The following KIAA0319L variants were observed in gnomAD, a reference collection of about 807,000 sequenced individuals.
KIAA0319L encodes the protein dyslexia-associated protein KIAA0319-like protein.
A neutral mutation model predicts 120.1 loss-of-function variants in KIAA0319L; 55 were observed. The ratio of observed to expected loss-of-function variants is 0.46; its 90% CI spans 0.37 to 0.57. The LOEUF is 0.57. Ranked by LOEUF, KIAA0319L falls within the 20% of genes least tolerant of loss-of-function variation. The probability of loss-of-function intolerance (pLI) is 0.00; values close to 1 mark genes in which losing one functional copy is unlikely to be tolerated. For synonymous variants in KIAA0319L, 398 were observed against 471.9 expected (o/e 0.84, Z 2.03); for missense variants, 1,049 against 1,255.3 (o/e 0.84, Z 2.48).
At chr1:35,546,153 A>T (rs555815622) in intron 2 of KIAA0319L, among the ~76,000 whole-genome samples, 2 of 152,280 alleles carry the variant, frequency 1.3e-5, no homozygotes, top group East Asian at 3.9e-4. Context: ...AATGAATGAG[A>T]CTGCCCAGGG....
At chr1:35,454,741 G>A in intron 10 of KIAA0319L, 1 of 741,530 alleles carries the variant, frequency 1.3e-6, no homozygotes, top group Non-Finnish European at 1.9e-6. Context: ...TCTCATAAGA[G>A]AGGGCAGTAT....
chr1:35,454,382 A>G lies in KIAA0319L; in HGVS notation c.1760T>C (p.Val587Ala), dbSNP rs757411550. 1.9e-5 allele frequency: 31 copies of G among 1,613,918 alleles called. No homozygotes were observed. Among genetic ancestry groups the G allele is most frequent in the Non-Finnish European group, 2.5e-5 (29 of 1,179,932 alleles). Residue 587 changes from valine to alanine, a missense_variant, in exon 11 of 21, where the codon GTG (valine) becomes GCG (alanine). Transcript: ENST00000325722. ...DTIGQQATAQVTVIVQPENNK... is the reference protein window; with the variant it reads ...DTIGQQATAQATVIVQPENNK... ...CTTACCAGGTTGCACAATAACAGTC[A>G]CTTGAGCAGTGGCCTGCTGTCCTAT...
intron 2 of KIAA0319L, among the ~76,000 whole-genome samples, chr1:35,532,240 CAAAA>C (rs542083819): frequency 1.0e-5 from 1 of 98,488 alleles, no homozygotes; most frequent in African/African-American, 3.8e-5. Flanking sequence ...GACTCCGTCT[CAAAA>C]AAAAAAAAAA....
chr1:35,557,652 AC>A (rs1334883053), upstream of KIAA0319L: 1 of 456,910 alleles, frequency 2.2e-6, no homozygotes, highest in East Asian at 7.0e-5. Flanking sequence ...CTCGGGCAAT[AC>A]CCACAAGCAA....
intron 3 of KIAA0319L, among the ~76,000 whole-genome samples, chr1:35,489,472 C>G (rs1430740168): frequency 6.6e-6 from 1 of 152,050 alleles, no homozygotes; most frequent in African/African-American, 2.4e-5. Flanking sequence ...GAAATCCAAG[C>G]ACAGACCAGC....
intron 20 of KIAA0319L, among the ~76,000 whole-genome samples, chr1:35,435,984 C>T (rs751713958): frequency 1.3e-5 from 2 of 152,292 alleles, no homozygotes; most frequent in Non-Finnish European, 2.9e-5. Context: ...GGAATGCCCA[C>T]GCCCAGGAGC....
Position 35,435,000 on chromosome 1 carries a change from G to GTAA in KIAA0319L, c.3041_3043dup (p.Phe1014_Thr1015insIle). 1 of 1,614,108 alleles carries GTAA rather than the reference G, an allele frequency of 6.2e-7. No homozygotes were observed. The stretch of plus-strand genomic sequence containing the variant: ...TTTGCCCTTCTCTCGGTCTGGCCAT[G>GTAA]TAAAGATGGCATCATCGCTGTCCAG... On this transcript the variant is annotated inframe_insertion, in exon 21 of 21. Transcript: ENST00000325722.
chr1:35,489,677 T>C (rs958603011), intron 3 of KIAA0319L, among the ~76,000 whole-genome samples: 1 of 151,692 alleles, frequency 6.6e-6, no homozygotes, highest in African/African-American at 2.4e-5. Flanking sequence ...TGGGTTTTTT[T>C]TTTTTTTGAG....
intron 2 of KIAA0319L, among the ~76,000 whole-genome samples, chr1:35,514,757 T>G (rs940339750): frequency 6.6e-6 from 1 of 152,142 alleles, no homozygotes; most frequent in African/African-American, 2.4e-5. Flanking sequence ...CTTAGAGACC[T>G]ACAAAGAAAC....
chr1:35,434,870 G>A lies in KIAA0319L; in HGVS notation c.*24C>T. ...CTGGCCGGGCAGTGTGCTGGGCCCTGCCCTGAGGAGACAGACCAGGTGGCT... is the reference window on the plus strand; with the variant it reads ...CTGGCCGGGCAGTGTGCTGGGCCCTACCCTGAGGAGACAGACCAGGTGGCT... On this transcript the variant is annotated 3_prime_UTR_variant, in exon 21 of 21. Coordinates refer to ENST00000325722, the MANE Select transcript of KIAA0319L (RefSeq NM_024874.5). The A allele has an allele frequency of 6.2e-7, 1 of 1,606,730 alleles. No individual in the cohort carries two copies. Among genetic ancestry groups the A allele is most frequent in the Non-Finnish European group, 8.5e-7 (1 of 1,176,456 alleles).
chr1:35,475,352 T>C (rs1420282157), intron 4 of KIAA0319L, among the ~76,000 whole-genome samples: 1 of 152,204 alleles, frequency 6.6e-6, no homozygotes, highest in Non-Finnish European at 1.5e-5. Flanking sequence ...TGCTAACAAA[T>C]AACTTTCTAA....
intron 2 of KIAA0319L, among the ~76,000 whole-genome samples, chr1:35,537,528 T>C (rs1252592891): frequency 6.6e-6 from 1 of 151,172 alleles, no homozygotes; most frequent in African/African-American, 2.4e-5. Flanking sequence ...TGAAGTGTTA[T>C]TTCAGCAGAT....
At chr1:35,538,421 T>C (rs1259897474) in intron 2 of KIAA0319L, among the ~76,000 whole-genome samples, 2 of 151,542 alleles carry the variant, frequency 1.3e-5, no homozygotes, top group East Asian at 3.9e-4. Context: ...TGAAACCCCA[T>C]CTCTACTATA....
chr1:35,540,948 CT>C (rs1368359207), intron 2 of KIAA0319L, among the ~76,000 whole-genome samples: 2 of 149,402 alleles, frequency 1.3e-5, no homozygotes, highest in African/African-American at 4.9e-5. Flanking sequence ...TTAATTTTCC[CT>C]TTTTTTTTTC....
Position 35,442,291 on chromosome 1 carries a change from A to C in KIAA0319L, c.2825T>G (p.Val942Gly). Residue 942 changes from valine to glycine, a missense_variant, in exon 19 of 21, where the codon GTT becomes GGT. By Grantham distance (109) the Val-to-Gly change is moderately radical. Coordinates refer to ENST00000325722, the MANE Select transcript of KIAA0319L (RefSeq NM_024874.5). Reference protein sequence around the residue: ...YVIIATFVIVVALGILSWTVI... With the variant: ...YVIIATFVIVGALGILSWTVI... ...AGTCCAAGACAGGATTCCCAAGGCA[A>C]CAACAATGACAAAGGTAGCAATGAT... is the stretch of plus-strand genomic sequence containing the variant. The C allele has an allele frequency of 6.2e-7, 1 of 1,614,040 alleles. No individual in the cohort carries two copies. The highest frequency in any genetic ancestry group is 8.5e-7 in the Non-Finnish European group (1 of 1,179,872).
At chr1:35,449,032 T>C (rs1641849363) in intron 15 of KIAA0319L, among the ~76,000 whole-genome samples, 1 of 152,246 alleles carries the variant, frequency 6.6e-6, no homozygotes. Context: ...ATGCACCACT[T>C]GCCTGTTCTG....
At chr1:35,484,806 A>ATATTTTT (rs1381080295) in intron 3 of KIAA0319L, among the ~76,000 whole-genome samples, 11 of 86,236 alleles carry the variant, frequency 1.3e-4, no homozygotes, top group African/African-American at 4.2e-4. Context: ...ATATATATAT[A>ATATTTTT]TTTTTTTTTT....
chr1:35,435,156 C>T, intron 20 of KIAA0319L, 75 bp from the exon 21 acceptor site: 1 of 1,358,186 alleles, frequency 7.4e-7, no homozygotes, highest in Non-Finnish European at 1.0e-6. Context: ...CTTACCCCAG[C>T]CTGAGGAGCC....
intron 3 of KIAA0319L, among the ~76,000 whole-genome samples, chr1:35,495,710 T>C (rs11486096): frequency 0.069 from 10,553 of 152,096 alleles, 996 homozygotes; most frequent in East Asian, 0.44. Context: ...TAGAGTGTGG[T>C]GGCATGATCA....
Sources: gnomAD v4.1 joint callset for allele counts (sites outside exome capture counted in the v4.1 genomes callset) on GRCh38, gnomAD v4.1.1 for gene constraint, MANE v1.5 for transcripts, NCBI Gene and HGNC (gene_info 2026-07-23, HGNC 2026-07-21) for gene names.